The following PDE4A variants were observed in gnomAD, a reference collection of about 807,000 sequenced individuals.
PDE4A encodes the protein 3',5'-cyclic-AMP phosphodiesterase 4A.
In PDE4A, 21 loss-of-function variants were observed where a neutral mutation model predicts 73.9. The ratio of observed to expected loss-of-function variants is 0.28; its 90% CI spans 0.20 to 0.41. PDE4A has a LOEUF of 0.41. Ranked by LOEUF, PDE4A falls within the 10% of genes least tolerant of loss-of-function variation. PDE4A has a pLI of 1.00. For missense variants in PDE4A, 958 were observed against 1,211.4 expected, an observed-to-expected ratio of 0.79 and a Z score of 3.10; for synonymous variants, 463 against 505.4, an observed-to-expected ratio of 0.92 and a Z score of 1.13.
intron 1 of PDE4A, among the ~76,000 whole-genome samples, chr19:10,426,020 AGGG>A (rs2042713996): frequency 7.7e-6 from 1 of 129,204 alleles, no homozygotes; most frequent in African/African-American, 2.9e-5. Flanking sequence ...AAAAGGAAGG[AGGG>A]AAGGAAGGAA....
In PDE4A at chr19:10,467,565, G is replaced by A. The variant is rs1171633916; in HGVS notation, c.2605G>A (p.Asp869Asn). 1.9e-6 allele frequency: 3 copies of A among 1,606,144 alleles called. No individual in the cohort carries two copies. The change falls in exon 15 of 15, where the codon GAC becomes AAC. Residue 869 changes from aspartate (D) to asparagine (N), a missense_variant. This residue lies in a region of PDE4A where 243 missense variants were observed against 245.9 expected (regional missense o/e 0.99). Coordinates refer to ENST00000380702, the MANE Select transcript of PDE4A (RefSeq NM_001111307.2). The part of the protein sequence containing the change: ...CSACAGTFGE[D>N]TSALPAPGGG... ...TGCCTGCGCAGGGACATTTGGGGAG[G>A]ACACATCCGCACTCCCAGCTCCTGG...
Position 10,459,676 on chromosome 19 carries a change from G to A in PDE4A, c.1282G>A (p.Ala428Thr), listed in dbSNP as rs183936414. 3.0e-5 allele frequency: 49 copies of A among 1,614,168 alleles called. No homozygotes were observed. In the East Asian group the frequency reaches 5.1e-4, roughly 17 times the overall value. ...GCTGACGCTGGAGGATCACTACCAC[G>A]CTGACGTGGCCTACCATAACAGCCT... ...YMLTLEDHYHADVAYHNSLHA... is the reference protein window; with the variant it reads ...YMLTLEDHYHTDVAYHNSLHA... The change falls in exon 10 of 15, where the codon GCT becomes ACT. Residue 428 changes from alanine to threonine, a missense_variant. Physicochemically the swap from Ala to Thr is moderately conservative, Grantham distance 58 (BLOSUM62 0). This residue lies in a region of PDE4A where 570 missense variants were observed against 827.7 expected (regional missense o/e 0.69). Coordinates refer to ENST00000380702, the MANE Select transcript of PDE4A (RefSeq NM_001111307.2).
chr19:10,461,056 A>C lies in PDE4A; in HGVS notation c.1418A>C (p.His473Pro). Residue 473 changes from histidine to proline, a missense_variant, in exon 11 of 15, where the codon CAC becomes CCC. His to Pro is a moderately conservative substitution (Grantham distance 77). Around this residue, in one of 3 missense-constraint regions of PDE4A, gnomAD observed 570 missense variants for 827.7 expected, o/e 0.69. Transcript: ENST00000380702. ...GCCGCCCTCTTCGCGGCTGCCATCC[A>C]CGATGTGGATCACCCTGGGGTCTCC... ...ILAALFAAAI[H>P]DVDHPGVSNQ... 1 of 1,613,768 alleles carries C rather than the reference A, an allele frequency of 6.2e-7. No individual in the cohort carries two copies. Among genetic ancestry groups the C allele is most frequent in the Non-Finnish European group, 8.5e-7 (1 of 1,179,754 alleles).
chr19:10,438,114 G>A (rs1047377715), intron 1 of PDE4A, among the ~76,000 whole-genome samples: 85 of 144,568 alleles, frequency 5.9e-4, no homozygotes, highest in Admixed American at 1.3e-3. Flanking sequence ...CAGCCTCCAA[G>A]ACTTTTTTTT....
chr19:10,433,112 G>C (rs1289661685), intron 1 of PDE4A, among the ~76,000 whole-genome samples: 4 of 152,092 alleles, frequency 2.6e-5, no homozygotes, highest in Non-Finnish European at 4.4e-5. Context: ...GAATTCTCAG[G>C]GGTTTCTAGC....
intron 1 of PDE4A, among the ~76,000 whole-genome samples, chr19:10,438,072 G>C (rs1373756680): frequency 1.3e-5 from 2 of 150,942 alleles, no homozygotes; most frequent in Non-Finnish European, 2.9e-5. Context: ...GCCTCCCAAA[G>C]TGCTGGGATT....
intron 1 of PDE4A, chr19:10,427,993 CA>C (rs5827099): frequency 0.46 from 48,854 of 107,090 alleles, 8,795 homozygotes; most frequent in East Asian, 0.61. Flanking sequence ...GAGACCCTGT[CA>C]AAAAAAAAAA....
chr19:10,427,618 C>G, intron 1 of PDE4A: 1 of 985,176 alleles, frequency 1.0e-6, no homozygotes, highest in Non-Finnish European at 1.2e-6. Flanking sequence ...TGTGTAGCCT[C>G]ATGGCTAAAA....
intron 1 of PDE4A, among the ~76,000 whole-genome samples, chr19:10,436,861 G>A (rs930810555): frequency 6.6e-6 from 1 of 151,984 alleles, no homozygotes; most frequent in Non-Finnish European, 1.5e-5. Context: ...CCAACATGGT[G>A]AAACCCGTCT....
chr19:10,417,478 TCAGACCTAA>T (rs1232142003), upstream of PDE4A: 1 of 981,246 alleles, frequency 1.0e-6, no homozygotes, highest in East Asian at 1.1e-4. Context: ...AGGGGCACTC[TCAGACCTAA>T]GGGATGGCAG....
rs2043393741 is a variant in PDE4A, at chr19:10,467,308, C to A, written c.2348C>A (p.Ala783Glu). 1 of 1,614,192 alleles carries A rather than the reference C, an allele frequency of 6.2e-7. No individual in the cohort carries two copies. The highest frequency in any genetic ancestry group is 8.5e-7 in the Non-Finnish European group (1 of 1,180,036). ...ELEAVYLTQQ[A>E]QSTGSAPVAP... ...GAGGCAGTGTATTTGACACAGCAGG[C>A]ACAGTCCACAGGCAGTGCACCTGTG... The change falls in exon 15 of 15, where the codon GCA becomes GAA. Residue 783 changes from alanine (A) to glutamate (E), a missense_variant. Coordinates refer to ENST00000380702, the MANE Select transcript of PDE4A (RefSeq NM_001111307.2).
At chr19:10,448,266 A>C (rs1237536346) in intron 2 of PDE4A, among the ~76,000 whole-genome samples, 2 of 151,774 alleles carry the variant, frequency 1.3e-5, no homozygotes, top group African/African-American at 4.8e-5. Context: ...CACCCAGCTA[A>C]TTTTTGTATT....
chr19:10,455,324 C>T lies in PDE4A; in HGVS notation c.877+402C>T, dbSNP rs571480921. Among the ~76,000 whole-genome samples the T allele has an allele frequency of 3.9e-5, 6 of 152,152 alleles. 1 individual carries two copies. The South Asian group carries it at 1.2e-3, about 32-fold the overall frequency. ...CTAAAAATACAAAAAATTAGCCAGG[C>T]ATGGTGGTGGGTGCCTGTAATCCCA... On this transcript the variant is annotated intron_variant, in intron 7 of 14. Coordinates refer to ENST00000380702, the MANE Select transcript of PDE4A (RefSeq NM_001111307.2).
chr19:10,440,674 C>T (rs2042925336), intron 1 of PDE4A, among the ~76,000 whole-genome samples: 1 of 152,230 alleles, frequency 6.6e-6, no homozygotes, highest in Admixed American at 6.5e-5. Flanking sequence ...TCTCAGCTCA[C>T]TGCAACCTCC....
Position 10,446,312 on chromosome 19 carries a change from AC to A in PDE4A, c.417del (p.Ser140AlafsTer39). The A allele has an allele frequency of 2.5e-6, 4 of 1,611,628 alleles. No homozygotes were observed. The highest frequency in any genetic ancestry group is 3.4e-6 in the Non-Finnish European group (4 of 1,179,268). On this transcript the variant is annotated frameshift_variant, in exon 2 of 15. Coordinates refer to ENST00000380702, the MANE Select transcript of PDE4A (RefSeq NM_001111307.2). LOFTEE classifies it high-confidence loss of function. ...PGLVLHAGAA[T>X]SQRRESFLYR... ...ACTCGTGCTGCACGCCGGGGCGGCCACCAGCCAGCGCCGGGAGTCCTTCCTG... is the reference window on the plus strand; with the variant it reads ...ACTCGTGCTGCACGCCGGGGCGGCCACAGCCAGCGCCGGGAGTCCTTCCTG...
intron 1 of PDE4A, among the ~76,000 whole-genome samples, chr19:10,432,165 G>A (rs1174869631): frequency 7.0e-6 from 1 of 143,614 alleles, no homozygotes; most frequent in Non-Finnish European, 1.5e-5. Flanking sequence ...AGAGGCCTAG[G>A]AGGGAGGAGA....
At chr19:10,427,620 T>C in intron 1 of PDE4A, 1 of 985,192 alleles carries the variant, frequency 1.0e-6, no homozygotes, top group Non-Finnish European at 1.2e-6. Flanking sequence ...TGTAGCCTCA[T>C]GGCTAAAATT....
chr19:10,423,056 A>G, intron 1 of PDE4A: 3 of 974,720 alleles, frequency 3.1e-6, no homozygotes, highest in Non-Finnish European at 3.7e-6. Context: ...CATGCCAGGG[A>G]CTTTTCCATA....
chr19:10,469,153 T>C lies in PDE4A; in HGVS notation c.*1532T>C, dbSNP rs1385373512. ...CGATCGGAGTGGGCCTTTTCTTTCT[T>C]TTTGTTCATTCTTTACCTTTTTTTC... On this transcript the variant is annotated 3_prime_UTR_variant, in exon 15 of 15. Coordinates refer to ENST00000380702, the MANE Select transcript of PDE4A (RefSeq NM_001111307.2). 1 of 152,498 alleles carries C rather than the reference T, an allele frequency of 6.6e-6. No individual in the cohort carries two copies. The highest frequency in any genetic ancestry group is 2.4e-5 in the African/African-American group (1 of 41,454). 9.4% of individuals were successfully genotyped at this position (152,498 alleles called of 1,614,324 possible).
Sources: gnomAD v4.1 joint callset for allele counts (sites outside exome capture counted in the v4.1 genomes callset) on GRCh38, gnomAD v4.1.1 for gene constraint, gnomAD v4.1.1 regional missense constraint, MANE v1.5 for transcripts, NCBI Gene and HGNC (gene_info 2026-07-23, HGNC 2026-07-21) for gene names.